The following GABRR3 variants were observed in gnomAD, a reference collection of about 807,000 sequenced individuals.
GABRR3 encodes the protein gamma-aminobutyric acid type A receptor subunit rho3, also known as gamma-aminobutyric acid receptor subunit rho-3.
GABRR3 carries 29 observed loss-of-function variants against 43.2 expected under a neutral mutation model. The observed-to-expected ratio is 0.67, with a 90% CI of 0.50 to 0.92. The LOEUF is 0.92. GABRR3 is among the 40% of genes least tolerant of loss of function. The probability of loss-of-function intolerance (pLI) is 0.00; values close to 1 mark genes in which losing one functional copy is unlikely to be tolerated. For missense variants in GABRR3, 576 were observed against 572.3 expected (o/e 1.01, Z -0.07); for synonymous variants, 206 against 195.9 (o/e 1.05, Z -0.43).
chr3:98,012,654 C>A, intron 4 of GABRR3, 87 bp from the exon 5 acceptor site: 1 of 858,364 alleles, frequency 1.2e-6, no homozygotes, highest in Admixed American at 2.2e-5. Context: ...AGGACTCATT[C>A]CTATGGTGTT....
At chr3:98,021,234 G>A (rs574716986) in intron 3 of GABRR3, among the ~76,000 whole-genome samples, 109 of 152,098 alleles carry the variant, frequency 7.2e-4, no homozygotes, top group Admixed American at 4.5e-3. Context: ...ACTGTATTAC[G>A]CTCTAGCATT....
At chr3:97,996,300 G>A (rs766993315) in intron 8 of GABRR3, among the ~76,000 whole-genome samples, 1 of 152,138 alleles carries the variant, frequency 6.6e-6, no homozygotes, top group Non-Finnish European at 1.5e-5. Context: ...GGAAAGGAAG[G>A]TGGCTTGACA....
Position 98,012,709 on chromosome 3 carries a change from C to T in GABRR3, c.307-142G>A, listed in dbSNP as rs1576044373. ...GTTAATATTGTAGTTTCAAGTAGAT[C>T]TAGGATGAAGCTAAGGAGGTTATGC... is the stretch of plus-strand genomic sequence containing the variant. On this transcript the variant is annotated intron_variant, in intron 4 of 9. Coordinates refer to ENST00000621172, the Ensembl canonical transcript of GABRR3. 1.3e-5 allele frequency: 8 copies of T among 617,710 alleles called. No homozygotes were observed. The East Asian group carries it at 2.2e-4, about 17-fold the overall frequency. 38.3% of individuals were successfully genotyped at this position (617,710 alleles called of 1,614,324 possible).
At chr3:98,000,351 C>T (rs1295659245) in intron 8 of GABRR3, 1 of 152,068 alleles carries the variant, frequency 6.6e-6, no homozygotes, top group South Asian at 2.1e-4. Context: ...AAATCATGTT[C>T]ATAAACGTTT....
intron 8 of GABRR3, among the ~76,000 whole-genome samples, chr3:97,993,428 T>G (rs1706497430): frequency 6.6e-6 from 1 of 152,220 alleles, no homozygotes; most frequent in Non-Finnish European, 1.5e-5. Flanking sequence ...TTTCCCATTC[T>G]TTCACAATTT....
chr3:98,006,805 C>T (rs1475634425), intron 7 of GABRR3, among the ~76,000 whole-genome samples: 1 of 152,174 alleles, frequency 6.6e-6, no homozygotes, highest in Non-Finnish European at 1.5e-5. Context: ...CCGAAGGAGG[C>T]TGCTTCCAAC....
intron 8 of GABRR3, chr3:97,999,833 T>C (rs959564176): frequency 4.6e-5 from 7 of 152,144 alleles, no homozygotes; most frequent in African/African-American, 1.7e-4. Flanking sequence ...GCTGGAACTC[T>C]TGACCACTAA....
intron 9 of GABRR3, among the ~76,000 whole-genome samples, chr3:97,990,628 T>G (rs1430718638): frequency 1.3e-5 from 2 of 152,238 alleles, no homozygotes; most frequent in African/African-American, 4.8e-5. Flanking sequence ...ATTACAGGCA[T>G]GAACCACTGT....
At chr3:98,025,960 C>A (rs1249465574) in intron 2 of GABRR3, among the ~76,000 whole-genome samples, 1 of 152,078 alleles carries the variant, frequency 6.6e-6, no homozygotes, top group Non-Finnish European at 1.5e-5. Context: ...GTTTTTAGAC[C>A]TGGAAAATCC....
rs139777049 is a variant in GABRR3, at chr3:97,996,830, T to C, written c.908-3782A>G. ...TGCCTAATCACAGTGAATACTTTTA[T>C]GCTATGCACCCTCTACTGCTCTTTA... On this transcript the variant is annotated intron_variant, in intron 8 of 9. Coordinates refer to ENST00000621172, the Ensembl canonical transcript of GABRR3. Among the ~76,000 whole-genome samples the C allele has an allele frequency of 2.6e-5, 4 of 152,362 alleles. No individual in the cohort carries two copies. The East Asian group carries it at 7.7e-4, about 29-fold the overall frequency.
chr3:98,010,855 T>C (rs896210758), intron 5 of GABRR3, among the ~76,000 whole-genome samples: 2 of 152,182 alleles, frequency 1.3e-5, no homozygotes, highest in East Asian at 3.9e-4. Flanking sequence ...ACGCCAGTAC[T>C]TTGGGGGGCC....
At chr3:98,017,002 T>A (rs1165025897) in intron 4 of GABRR3, among the ~76,000 whole-genome samples, 1 of 152,148 alleles carries the variant, frequency 6.6e-6, no homozygotes, top group Non-Finnish European at 1.5e-5. Flanking sequence ...AGAAAAAGGC[T>A]AACAGGAAGC....
At chr3:97,988,266 C>T (rs540002064) in intron 9 of GABRR3, among the ~76,000 whole-genome samples, 13 of 152,056 alleles carry the variant, frequency 8.5e-5, no homozygotes, top group East Asian at 1.9e-4. Flanking sequence ...TTAGTAGAGA[C>T]GAGGTCCTGT....
exon 5 of GABRR3, chr3:98,012,468 T>C (rs367948085): frequency 4.5e-5 from 72 of 1,613,882 alleles, no homozygotes; most frequent in Non-Finnish European, 6.1e-5. Flanking sequence ...ATCTTTCTGG[T>C]CAATCTATGA....
At chr3:98,007,152 C>T (rs751026867) in intron 7 of GABRR3, among the ~76,000 whole-genome samples, 9 of 151,980 alleles carry the variant, frequency 5.9e-5, no homozygotes, top group Non-Finnish European at 1.0e-4. Flanking sequence ...AGATAGGGAA[C>T]GGTGAGAAAG....
intron 7 of GABRR3, among the ~76,000 whole-genome samples, chr3:98,005,038 T>C (rs1237486418): frequency 1.3e-5 from 2 of 152,100 alleles, no homozygotes; most frequent in Non-Finnish European, 2.9e-5. Context: ...TGAACCCAGA[T>C]ATGATTATTG....
intron 3 of GABRR3, among the ~76,000 whole-genome samples, 194 bp from the exon 4 acceptor site, chr3:98,017,916 T>C (rs1393449618): frequency 6.6e-6 from 1 of 152,098 alleles, no homozygotes; most frequent in Non-Finnish European, 1.5e-5. Flanking sequence ...CATGTGTAAA[T>C]AAATGGTATT....
chr3:98,013,774 TA>T (rs1706841078), intron 4 of GABRR3, among the ~76,000 whole-genome samples: 1 of 152,190 alleles, frequency 6.6e-6, no homozygotes, highest in Non-Finnish European at 1.5e-5. Flanking sequence ...GTTGCTTCAT[TA>T]ACATAATACA....
rs548937166 is a variant in GABRR3 at position 97,989,874 on chromosome 3, A to G, written c.1105-2892T>C. Among the ~76,000 whole-genome samples, 6 of 152,264 alleles carry G rather than the reference A, an allele frequency of 3.9e-5. No individual in the cohort carries two copies. In the South Asian group the frequency reaches 1.2e-3, roughly 32 times the overall value. On this transcript the variant is annotated intron_variant, in intron 9 of 9. Transcript: ENST00000621172. ...CCTCCTGCTCACAGACCTAAGCAAC[A>G]TTCTCCAAACTGCTTTACCAATAAC...
Sources: gnomAD v4.1 joint callset for allele counts (sites outside exome capture counted in the v4.1 genomes callset) on GRCh38, gnomAD v4.1.1 for gene constraint, MANE v1.5 for transcripts, NCBI Gene and HGNC (gene_info 2026-07-23, HGNC 2026-07-21) for gene names.